The following HSPG2 variants were observed in gnomAD, a reference collection of about 807,000 sequenced individuals.
HSPG2 encodes the protein heparan sulfate proteoglycan 2.
In HSPG2, 278 loss-of-function variants were observed where a neutral mutation model predicts 526.6. The ratio of observed to expected loss-of-function variants is 0.53; its 90% CI spans 0.48 to 0.58. The LOEUF (loss-of-function observed/expected upper bound fraction) is 0.58. HSPG2 is among the 20% of genes least tolerant of loss of function. HSPG2 has a pLI of 0.00. For missense variants in HSPG2, 5,354 were observed against 6,099.5 expected (o/e 0.88, Z 4.07); for synonymous variants, 2,465 against 2,555.4 (o/e 0.96, Z 1.07).
chr1:21,924,698 C>T (rs1644137518), intron 1 of HSPG2, among the ~76,000 whole-genome samples: 1 of 152,078 alleles, frequency 6.6e-6, no homozygotes, highest in East Asian at 1.9e-4. Context: ...GTCACCTCAG[C>T]TATCTTGGGG....
In HSPG2 at chr1:21,905,251, C is replaced by A. The variant is rs567424058; in HGVS notation, c.64-8941G>T. The stretch of plus-strand genomic sequence containing the variant: ...GTAATCTGTCTACACACACACCCAC[C>A]CACACACACCCACACACACACACAC... On this transcript the variant is annotated intron_variant, in intron 1 of 96. Transcript: ENST00000374695. Among the ~76,000 whole-genome samples, 297 of 134,064 alleles carry A rather than the reference C, an allele frequency of 2.2e-3. 5 individuals are homozygous for A. Among genetic ancestry groups the A allele is most frequent in the Non-Finnish European group, 1.3e-3 (81 of 60,060 alleles). 88.0% of individuals were successfully genotyped at this position (134,064 alleles called of 152,430 possible).
Position 21,824,166 on chromosome 1 carries a change from T to TG in HSPG2, c.12853_12854insC (p.Glu4285AlafsTer6). The TG allele has an allele frequency of 6.2e-7, 1 of 1,613,594 alleles. No homozygotes were observed. The highest frequency in any genetic ancestry group is 8.5e-7 in the Non-Finnish European group (1 of 1,180,000). ...CCACTCGCCGTCATTGATGGGGTCCTCAGAGACCAGGCGGGCCTCCCCACT... is the reference window on the plus strand; with the variant it reads ...CCACTCGCCGTCATTGATGGGGTCCTGCAGAGACCAGGCGGGCCTCCCCACT... On this transcript the variant is annotated frameshift_variant, in exon 95 of 97. Coordinates refer to ENST00000374695, the MANE Select transcript of HSPG2 (RefSeq NM_005529.7). LOFTEE classifies it high-confidence loss of function. The surrounding 1 kb of genome is among the most constrained non-coding windows in gnomAD (Gnocchi z 5.9).
intron 1 of HSPG2, among the ~76,000 whole-genome samples, chr1:21,934,080 A>T (rs1440079544): frequency 6.6e-6 from 1 of 152,170 alleles, no homozygotes; most frequent in Non-Finnish European, 1.5e-5. Context: ...CGAGTCACCC[A>T]GGCCCAGCCC....
At chr1:21,896,697 G>A (rs1642773174) in intron 1 of HSPG2, among the ~76,000 whole-genome samples, 1 of 152,096 alleles carries the variant, frequency 6.6e-6, no homozygotes, top group African/African-American at 2.4e-5. Context: ...CAGATGGGGG[G>A]CACAGGCAGG....
At chr1:21,877,059 C>CAAAAAAAAAAAAAAAAA (rs3077630) in intron 21 of HSPG2, among the ~76,000 whole-genome samples, 4 of 103,016 alleles carry the variant, frequency 3.9e-5, no homozygotes, top group Non-Finnish European at 5.5e-5. Flanking sequence ...GACTCCATCT[C>CAAAAAAAAAAAAAAAAA]AAAAAAAAAA....
Position 21,872,291 on chromosome 1 carries a change from A to T in HSPG2, c.4116T>A (p.Thr1372=). The T allele has an allele frequency of 6.4e-7, 1 of 1,566,808 alleles. No homozygotes were observed. Among genetic ancestry groups the T allele is most frequent in the Non-Finnish European group, 8.7e-7 (1 of 1,155,512 alleles). Reference sequence around the variant, plus strand: ...GGGCACCCTCGGGCACGGGTTCCACAGTGAATTCTCCTGTCAGGCGGCTGT... The same window carrying T: ...GGGCACCCTCGGGCACGGGTTCCACTGTGAATTCTCCTGTCAGGCGGCTGT... ...QRNSRLTGEF[T]VEPVPEGAQL... The change falls in exon 33 of 97, where the codon ACT becomes ACA. Residue 1372 remains threonine (T), a synonymous_variant. Transcript: ENST00000374695. This position sits in a 1 kb window ranked among gnomAD's most constrained non-coding sequence, Gnocchi z 5.5.
chr1:21,881,476 G>A lies in HSPG2; in HGVS notation c.1681C>T (p.Pro561Ser). The change falls in exon 14 of 97, where the codon CCC becomes TCC. Residue 561 changes from proline to serine, a missense_variant. By Grantham distance (74) the Pro-to-Ser change is moderately conservative. Transcript: ENST00000374695. ...KGVNVTMPAQPGTPPLSSTQL... is the reference protein window; with the variant it reads ...KGVNVTMPAQSGTPPLSSTQL... ...GTGGAGGAGAGGGGTGGCGTGCCGG[G>A]CTGCGCAGGCATTGTCACATTCACA... 1 of 1,612,640 alleles carries A rather than the reference G, an allele frequency of 6.2e-7. No individual in the cohort carries two copies. The highest frequency in any genetic ancestry group is 8.5e-7 in the Non-Finnish European group (1 of 1,179,984).
chr1:21,860,269 C>G (rs1322143937), intron 39 of HSPG2, 34 bp from the exon 40 acceptor site: 1 of 1,595,142 alleles, frequency 6.3e-7, no homozygotes, highest in Non-Finnish European at 8.6e-7. Context: ...CAATGTCAGG[C>G]CTCAAGGGCC....
rs1239294172 is a variant in HSPG2 at position 21,857,383 on chromosome 1, C to T, written c.5296G>A (p.Ala1766Thr). The T allele has an allele frequency of 6.2e-7, 1 of 1,613,492 alleles. No individual in the cohort carries two copies. Among genetic ancestry groups the T allele is most frequent in the Non-Finnish European group, 8.5e-7 (1 of 1,179,918 alleles). ...TSRAELLVTE[A>T]PSKPITVTVE... ...GTCACTGTGATGGGCTTGCTTGGAG[C>T]CTCTGCAGGGACGGGAAGCCCCCCT... The change falls in exon 43 of 97, where the codon GCT (alanine) becomes ACT (threonine). Residue 1766 changes from alanine (A) to threonine (T), a missense_variant and splice_region_variant. Transcript: ENST00000374695.
Position 21,865,276 on chromosome 1 carries a change from GC to G in HSPG2, c.4395+8del. Reference sequence around the variant, plus strand: ...GGGGTTAGACACAGCATGGCCAGGTGCCCCTTACCTCTCGGAACATGATCTC... The same window carrying G: ...GGGGTTAGACACAGCATGGCCAGGTGCCCTTACCTCTCGGAACATGATCTC... On this transcript the variant is annotated splice_region_variant and intron_variant, in intron 35 of 96. Coordinates refer to ENST00000374695, the MANE Select transcript of HSPG2 (RefSeq NM_005529.7). The surrounding 1 kb of genome is among the most constrained non-coding windows in gnomAD (Gnocchi z 5.4). 1 of 1,613,644 alleles carries G rather than the reference GC, an allele frequency of 6.2e-7. No homozygotes were observed. The highest frequency in any genetic ancestry group is 8.5e-7 in the Non-Finnish European group (1 of 1,179,572).
At chr1:21,931,341 T>C (rs969700382) in intron 1 of HSPG2, among the ~76,000 whole-genome samples, 1 of 152,210 alleles carries the variant, frequency 6.6e-6, no homozygotes, top group African/African-American at 2.4e-5. Flanking sequence ...CTCTGGGTGC[T>C]GGGGCAGCTG....
At position 21,855,002 on chromosome 1, in the gene HSPG2, G is replaced by C; in HGVS notation, c.5998-19C>G. Reference sequence around the variant, plus strand: ...ACCGGGCCTGCCGTGGGTGAGATGGGTCAGCTGCCCCAGAGGCAGCTGGAC... The same window carrying C: ...ACCGGGCCTGCCGTGGGTGAGATGGCTCAGCTGCCCCAGAGGCAGCTGGAC... On this transcript the variant is annotated intron_variant, in intron 47 of 96. Coordinates refer to ENST00000374695, the MANE Select transcript of HSPG2 (RefSeq NM_005529.7). The C allele has an allele frequency of 6.2e-7, 1 of 1,610,464 alleles. No individual in the cohort carries two copies. The highest frequency in any genetic ancestry group is 8.5e-7 in the Non-Finnish European group (1 of 1,179,912).
Position 21,835,142 on chromosome 1 carries a change from CT to C in HSPG2, c.10454-198del, listed in dbSNP as rs11338283. The C allele has an allele frequency of 0.29, 139,373 of 487,414 alleles. 1,200 individuals carry two copies. Among genetic ancestry groups the C allele is most frequent in the South Asian group, 0.38 (14,280 of 37,530 alleles). 30.2% of individuals were successfully genotyped at this position (487,414 alleles called of 1,614,324 possible). A position where few individuals can be genotyped will look rare whatever the true frequency, so the allele number is the denominator to read the frequency against. ...CATTTACTCACTCACGTGTCCACTT[CT>C]TTTTTTTTTTTAGACAAAGGGTCTT... On this transcript the variant is annotated intron_variant, in intron 76 of 96. Transcript: ENST00000374695.
rs768370330 is a variant in HSPG2, at chr1:21,841,181, G to A, written c.9433C>T (p.Arg3145Cys). The A allele has an allele frequency of 1.2e-5, 19 of 1,613,730 alleles. No homozygotes were observed. The highest frequency in any genetic ancestry group is 6.7e-5 in the Admixed American group (4 of 60,008). Residue 3145 changes from arginine (R) to cysteine (C), a missense_variant, in exon 71 of 97, where the codon CGT becomes TGT. Transcript: ENST00000374695. ...VSAGEPRSSA[R>C]WTRISSTPAK... The stretch of plus-strand genomic sequence containing the variant: ...GGGGTGCTGCTGATCCGGGTCCAAC[G>A]AGCAGAGGAGCGGGGCTCCCCGGCA...
rs138006603 is a variant in HSPG2 at position 21,871,767 on chromosome 1, A to G, written c.4221+419T>C. On this transcript the variant is annotated intron_variant, in intron 33 of 96. Coordinates refer to ENST00000374695, the MANE Select transcript of HSPG2 (RefSeq NM_005529.7). Reference sequence around the variant, plus strand: ...GAGAGCTCAACACACATGACCTATCATGAGAATTACTGTGTCCAACACAAG... The same window carrying G: ...GAGAGCTCAACACACATGACCTATCGTGAGAATTACTGTGTCCAACACAAG... Among the ~76,000 whole-genome samples, 437 of 152,356 alleles carry G rather than the reference A, an allele frequency of 2.9e-3. 2 individuals are homozygous for G. Among genetic ancestry groups the G allele is most frequent in the African/African-American group, 9.8e-3 (407 of 41,582 alleles).
At chr1:21,921,810 T>C (rs974278948) in intron 1 of HSPG2, among the ~76,000 whole-genome samples, 3 of 152,206 alleles carry the variant, frequency 2.0e-5, no homozygotes, top group Non-Finnish European at 4.4e-5. Context: ...GACCACCAGC[T>C]GTCCAGGAAG....
intron 1 of HSPG2, among the ~76,000 whole-genome samples, chr1:21,934,378 T>C (rs190140595): frequency 4.0e-4 from 61 of 152,218 alleles, no homozygotes; most frequent in African/African-American, 1.3e-3. Flanking sequence ...CTCAACCCCA[T>C]TGTACAGATT....
rs1221482089 is a variant in HSPG2 at position 21,878,438 on chromosome 1, G to A, written c.2612C>T (p.Pro871Leu). ...NPIQPGGKCR[P>L]VNQEIVRCDE... ...ATGGTGGCAGCCATACTCACTGACGGGCCTGCACTTCCCGCCGGGCTGGAT... is the reference window on the plus strand; with the variant it reads ...ATGGTGGCAGCCATACTCACTGACGAGCCTGCACTTCCCGCCGGGCTGGAT... Residue 871 changes from proline to leucine, a missense_variant, in exon 20 of 97, where the codon CCC becomes CTC. By Grantham distance (98) the Pro-to-Leu change is moderately conservative. Coordinates refer to ENST00000374695, the MANE Select transcript of HSPG2 (RefSeq NM_005529.7). 1 of 1,606,010 alleles carries A rather than the reference G, an allele frequency of 6.2e-7. No individual in the cohort carries two copies. Among genetic ancestry groups the A allele is most frequent in the Non-Finnish European group, 8.5e-7 (1 of 1,175,308 alleles).
chr1:21,880,015 TG>T, intron 17 of HSPG2, 91 bp downstream of exon 17: 2 of 1,444,274 alleles, frequency 1.4e-6, no homozygotes, highest in Non-Finnish European at 1.9e-6. Context: ...ACAGTCATTC[TG>T]GAGGCTTGTG....
Sources: gnomAD v4.1 joint callset for allele counts (sites outside exome capture counted in the v4.1 genomes callset) on GRCh38, gnomAD v4.1.1 for gene constraint, Gnocchi (gnomAD v3.1) non-coding constraint, MANE v1.5 for transcripts, NCBI Gene and HGNC (gene_info 2026-07-23, HGNC 2026-07-21) for gene names.